SVEP1: variants seen among roughly 807,000 people sequenced by gnomAD.
SVEP1 encodes the protein sushi, von Willebrand factor type A, EGF and pentraxin domain-containing protein 1.
SVEP1 carries 164 observed loss-of-function variants against 367.3 expected under a neutral mutation model. The observed-to-expected ratio is 0.45, with a 90% confidence interval of 0.39 to 0.51. SVEP1 has a LOEUF of 0.51. SVEP1 is among the 20% of genes least tolerant of loss of function. The pLI is 0.00. For missense variants in SVEP1, 4,117 were observed against 4,425.3 expected (o/e 0.93, Z 1.98); for synonymous variants, 1,666 against 1,611.6 (o/e 1.03, Z -0.81).
At chr9:110,390,286 C>CTTATAT (rs1564127486) in intron 40 of SVEP1, among the ~76,000 whole-genome samples, 7 of 39,924 alleles carry the variant, frequency 1.8e-4, no homozygotes, top group Admixed American at 4.5e-4. Context: ...TATATATATA[C>CTTATAT]ATACTTATAT....
In SVEP1 at chr9:110,389,610, C is replaced by G. The variant is rs1588026556; in HGVS notation, c.9823-23G>C. On this transcript the variant is annotated intron_variant, in intron 40 of 47. Coordinates refer to ENST00000374469, the MANE Select transcript of SVEP1 (RefSeq NM_153366.4). ...CCCCTGTGAAACAATGGAGAAAGGT[C>G]ATCAAGATCATAACTCTACAATAGA... The G allele has an allele frequency of 5.6e-6, 9 of 1,612,176 alleles. No homozygotes were observed. In the East Asian group the frequency reaches 1.8e-4, roughly 32 times the overall value.
chr9:110,545,074 G>A (rs118152074), intron 3 of SVEP1, among the ~76,000 whole-genome samples: 260 of 152,182 alleles, frequency 1.7e-3, no homozygotes, highest in Non-Finnish European at 2.9e-3. Flanking sequence ...GCTCACCCAC[G>A]TTGCCACGAA....
chr9:110,408,800 G>T lies in SVEP1; in HGVS notation c.6800C>A (p.Pro2267His). Residue 2267 changes from proline (P) to histidine (H), a missense_variant, in exon 38 of 48, where the codon CCT becomes CAT. By Grantham distance (77) the Pro-to-His change is moderately conservative. Around this residue, in one of 4 missense-constraint regions of SVEP1, gnomAD observed 1,765 missense variants for 1,781.1 expected, o/e 0.99. Transcript: ENST00000374469. ...CATGAAGCCATTCTGGATCGGGGGA[G>T]GTTTTCCACAGTCGAGAGGAACACA... ...LMCVPLDCGK[P>H]PPIQNGFMKG... 1 of 1,613,126 alleles carries T rather than the reference G, an allele frequency of 6.2e-7. No individual in the cohort carries two copies. Among genetic ancestry groups the T allele is most frequent in the African/African-American group, 1.3e-5 (1 of 75,022 alleles).
chr9:110,512,151 G>C (rs538607439), intron 5 of SVEP1, among the ~76,000 whole-genome samples: 3 of 152,132 alleles, frequency 2.0e-5, no homozygotes, highest in African/African-American at 7.2e-5. Context: ...ACTGGCAACC[G>C]TAGGTAGGGA....
chr9:110,459,672 T>C (rs1564148998), intron 18 of SVEP1, among the ~76,000 whole-genome samples: 1 of 152,148 alleles, frequency 6.6e-6, no homozygotes, highest in Non-Finnish European at 1.5e-5. Context: ...ATTAAAGCCA[T>C]TGATATATAG....
chr9:110,527,663 A>T (rs1829956725), intron 3 of SVEP1, among the ~76,000 whole-genome samples: 1 of 151,950 alleles, frequency 6.6e-6, no homozygotes, highest in Admixed American at 6.6e-5. Context: ...TTTATTGCCT[A>T]TTTGTAATTT....
At chr9:110,423,531 G>C (rs544292583) in intron 36 of SVEP1, among the ~76,000 whole-genome samples, 1 of 152,268 alleles carries the variant, frequency 6.6e-6, no homozygotes, top group Non-Finnish European at 1.5e-5. Flanking sequence ...AGAAGTTAAT[G>C]CTTTCTAAAG....
chr9:110,546,095 T>C lies in SVEP1; in HGVS notation c.964+20A>G. On this transcript the variant is annotated intron_variant, in intron 3 of 47. Coordinates refer to ENST00000374469, the MANE Select transcript of SVEP1 (RefSeq NM_153366.4). The stretch of plus-strand genomic sequence containing the variant: ...GTTACACAGCAACAGACAACTGATA[T>C]ACACAGATTGGAGACTCACCTGTGC... 1 of 1,551,698 alleles carries C rather than the reference T, an allele frequency of 6.4e-7. No individual in the cohort carries two copies. Among genetic ancestry groups the C allele is most frequent in the East Asian group, 2.4e-5 (1 of 40,918 alleles).
At chr9:110,402,425 A>G (rs552462331) in intron 39 of SVEP1, among the ~76,000 whole-genome samples, 1 of 152,264 alleles carries the variant, frequency 6.6e-6, no homozygotes, top group East Asian at 1.9e-4. Context: ...CACATTACAC[A>G]ATACTCCTAG....
chr9:110,552,489 C>G (rs571428847), intron 1 of SVEP1, among the ~76,000 whole-genome samples: 72 of 152,204 alleles, frequency 4.7e-4, no homozygotes, highest in African/African-American at 1.6e-3. Context: ...ATTATTTTTA[C>G]ACTATAATAT....
chr9:110,406,199 G>C lies in SVEP1; in HGVS notation c.9401C>G (p.Thr3134Ser). ...SPPSVANAVA[T>S]GEAHTYESEV... ...ACTTTCATAGGTGTGTGCCTCTCCAGTTGCCACTGCATTGGCGACAGACGG... is the reference window on the plus strand; with the variant it reads ...ACTTTCATAGGTGTGTGCCTCTCCACTTGCCACTGCATTGGCGACAGACGG... The change falls in exon 38 of 48, where the codon ACT becomes AGT. Residue 3134 changes from threonine (T) to serine (S), a missense_variant. This residue lies in a region of SVEP1 where 1,765 missense variants were observed against 1,781.1 expected (regional missense o/e 0.99). Transcript: ENST00000374469. 1 of 1,603,692 alleles carries C rather than the reference G, an allele frequency of 6.2e-7. No individual in the cohort carries two copies. The highest frequency in any genetic ancestry group is 2.2e-5 in the East Asian group (1 of 44,794).
chr9:110,518,929 C>CT (rs1194013846), intron 3 of SVEP1, among the ~76,000 whole-genome samples: 1 of 152,180 alleles, frequency 6.6e-6, no homozygotes, highest in Non-Finnish European at 1.5e-5. Context: ...ATAAGCCCCT[C>CT]TCTCTTTAGC....
At chr9:110,504,188 G>C (rs1254251769) in intron 5 of SVEP1, among the ~76,000 whole-genome samples, 2 of 150,664 alleles carry the variant, frequency 1.3e-5, no homozygotes, top group Non-Finnish European at 3.0e-5. Context: ...CCGAGTAGCT[G>C]GGACTACAGG....
At chr9:110,409,041 G>A in intron 37 of SVEP1, 90 bp from the exon 38 acceptor site, 5 of 1,393,052 alleles carry the variant, frequency 3.6e-6, no homozygotes, top group Non-Finnish European at 4.8e-6. Context: ...AAACTAAAAG[G>A]TCTATGTTAA....
chr9:110,517,856 G>A (rs1015795670), intron 3 of SVEP1, among the ~76,000 whole-genome samples: 1 of 149,922 alleles, frequency 6.7e-6, no homozygotes, highest in African/African-American at 2.4e-5. Flanking sequence ...AATAGTTTGA[G>A]ATTAGAAAAC....
At chr9:110,395,184 T>G (rs2118983319) in intron 40 of SVEP1, among the ~76,000 whole-genome samples, 1 of 152,086 alleles carries the variant, frequency 6.6e-6, no homozygotes, top group Admixed American at 6.5e-5. Context: ...CAGAAGAGAG[T>G]GGGGGCCAAT....
intron 1 of SVEP1, among the ~76,000 whole-genome samples, chr9:110,575,029 G>A (rs773536999): frequency 6.6e-6 from 1 of 152,118 alleles, no homozygotes; most frequent in Non-Finnish European, 1.5e-5. Flanking sequence ...ACAGGCCTGA[G>A]CCACCGCGCC....
chr9:110,502,635 T>A (rs1829551488), intron 6 of SVEP1, among the ~76,000 whole-genome samples: 1 of 152,310 alleles, frequency 6.6e-6, no homozygotes, highest in East Asian at 1.9e-4. Context: ...TGTTTAATAA[T>A]AAAGCAATTT....
At chr9:110,411,038 G>T in intron 37 of SVEP1, 25 bp downstream of exon 37, 1 of 1,527,144 alleles carries the variant, frequency 6.5e-7, no homozygotes, top group South Asian at 1.3e-5. Flanking sequence ...AAAAGCCACA[G>T]ACCATTTGCT....
Sources: allele counts gnomAD v4.1 joint callset (sites outside exome capture counted in the v4.1 genomes callset), GRCh38; gene constraint gnomAD v4.1.1; regional missense constraint gnomAD v4.1.1; transcripts MANE v1.5; gene names NCBI Gene and HGNC (gene_info 2026-07-23, HGNC 2026-07-21).